LRRK1: variants seen among roughly 807,000 people sequenced by gnomAD.
The protein encoded by LRRK1 is leucine-rich repeat serine/threonine-protein kinase 1.
LRRK1 carries 113 observed loss-of-function variants against 209.1 expected under a neutral mutation model. The ratio of observed to expected loss-of-function variants is 0.54; its 90% CI spans 0.46 to 0.63. The LOEUF (loss-of-function observed/expected upper bound fraction) is 0.63, where lower values mean the gene tolerates loss of function less well. LRRK1 is among the 30% of genes least tolerant of loss of function. The pLI, the probability that LRRK1 is intolerant of heterozygous loss-of-function variation, is 0.00. For missense variants in LRRK1, 2,284 were observed against 2,632.2 expected (o/e 0.87, Z 2.89); for synonymous variants, 1,144 against 1,099.7 (o/e 1.04, Z -0.80).
intron 6 of LRRK1, among the ~76,000 whole-genome samples, chr15:100,992,095 G>C (rs1469693743): frequency 6.6e-6 from 1 of 151,890 alleles, no homozygotes; most frequent in African/African-American, 2.4e-5. Context: ...TACAGTTTCT[G>C]CATCTGTGTT....
chr15:100,940,957 A>G (rs578201283), intron 2 of LRRK1, among the ~76,000 whole-genome samples: 1 of 152,298 alleles, frequency 6.6e-6, no homozygotes, highest in South Asian at 2.1e-4. Context: ...TTGCAGAGAC[A>G]TTGTCACTGT....
At position 101,069,277 on chromosome 15, in the gene LRRK1, G is replaced by A. The variant is rs547107598; in HGVS notation, c.*429G>A. On this transcript the variant is annotated 3_prime_UTR_variant, in exon 34 of 34. Coordinates refer to ENST00000388948, the MANE Select transcript of LRRK1 (RefSeq NM_024652.6). ...CTGGGAAGCACTTGAGGTAGGGCAG[G>A]AGGGGGGCTGTGACCCCTGCCCTTT... 6.5e-6 allele frequency: 1 copy of A among 154,538 alleles called. No individual in the cohort carries two copies. The highest frequency in any genetic ancestry group is 2.0e-4 in the South Asian group (1 of 4,882). The allele number at this position is 154,538 out of a possible 1,614,324, so 9.6% of individuals were successfully genotyped here. A position where few individuals can be genotyped will look rare whatever the true frequency, so the allele number is the denominator to read the frequency against.
intron 1 of LRRK1, among the ~76,000 whole-genome samples, chr15:100,921,124 C>A (rs533755715): frequency 9.8e-5 from 15 of 152,290 alleles, no homozygotes; most frequent in African/African-American, 3.1e-4. Flanking sequence ...CTTGTGGTCT[C>A]CACTGGAGCT....
At position 101,070,196 on chromosome 15, in the gene LRRK1, G is replaced by C. The variant is rs2036742113; in HGVS notation, c.*1348G>C. 6.6e-6 allele frequency: 1 copy of C among 152,132 alleles called. No individual in the cohort carries two copies. Among genetic ancestry groups the C allele is most frequent in the South Asian group, 2.1e-4 (1 of 4,822 alleles). The allele number at this position is 152,132 out of a possible 1,614,324, so 9.4% of individuals were successfully genotyped here. A position where few individuals can be genotyped will look rare whatever the true frequency, so the allele number is the denominator to read the frequency against. ...ACCCACTCGCTGTCTGGGGATAATG[G>C]GCAGCCCCTCCTTGCCCACTGTGCC... On this transcript the variant is annotated 3_prime_UTR_variant, in exon 34 of 34. Coordinates refer to ENST00000388948, the MANE Select transcript of LRRK1 (RefSeq NM_024652.6).
At chr15:101,035,563 T>C (rs2034465035) in intron 20 of LRRK1, among the ~76,000 whole-genome samples, 1 of 152,168 alleles carries the variant, frequency 6.6e-6, no homozygotes, top group African/African-American at 2.4e-5. Flanking sequence ...GAGTTTCTTA[T>C]TGGTAGCATA....
intron 2 of LRRK1, among the ~76,000 whole-genome samples, chr15:100,954,616 T>C (rs1437299699): frequency 6.6e-6 from 1 of 152,204 alleles, no homozygotes; most frequent in East Asian, 1.9e-4. Flanking sequence ...TCCTAGGAGT[T>C]TTACTGTTTC....
intron 3 of LRRK1, among the ~76,000 whole-genome samples, chr15:100,977,180 G>A (rs541631422): frequency 2.9e-3 from 132 of 45,760 alleles, no homozygotes; most frequent in African/African-American, 0.011. Context: ...ACACAAACTG[G>A]CACAGAGAAA....
chr15:101,017,570 G>A, intron 12 of LRRK1, among the ~76,000 whole-genome samples: 1 of 152,108 alleles, frequency 6.6e-6, no homozygotes. Flanking sequence ...CGGCAGCATT[G>A]GATTCTCATA....
In LRRK1 at chr15:100,973,896, C is replaced by G. The variant is rs2031124641; in HGVS notation, c.190C>G (p.Arg64Gly). The G allele has an allele frequency of 5.5e-6, 7 of 1,270,560 alleles. No homozygotes were observed. Among genetic ancestry groups the G allele is most frequent in the Non-Finnish European group, 7.0e-6 (7 of 1,002,798 alleles). 78.7% of individuals were successfully genotyped at this position (1,270,560 alleles called of 1,614,324 possible). A position where few individuals can be genotyped will look rare whatever the true frequency, so the allele number is the denominator to read the frequency against. Residue 64 changes from arginine (R) to glycine (G), a missense_variant, in exon 3 of 34, where the codon CGG becomes GGG. Arg to Gly is a moderately radical substitution (Grantham distance 125). This residue lies in a region of LRRK1 where 174 missense variants were observed against 133.5 expected (regional missense o/e 1.30). Coordinates refer to ENST00000388948, the MANE Select transcript of LRRK1 (RefSeq NM_024652.6). Reference protein sequence around the residue: ...RTEGIRAAYRRGDRGGARDLL... With the variant: ...RTEGIRAAYRGGDRGGARDLL... ...GGAAGGCATCCGCGCCGCGTACAGG[C>G]GGGGAGACCGCGGCGGCGCCCGGGA...
chr15:100,945,658 A>G (rs1475915253), intron 2 of LRRK1, among the ~76,000 whole-genome samples: 1 of 151,396 alleles, frequency 6.6e-6, no homozygotes, highest in Admixed American at 6.6e-5. Context: ...CACACTGGCT[A>G]ATTTTTGTAT....
intron 20 of LRRK1, among the ~76,000 whole-genome samples, chr15:101,030,675 C>T (rs1399120914): frequency 1.3e-5 from 2 of 152,174 alleles, no homozygotes; most frequent in Non-Finnish European, 2.9e-5. Flanking sequence ...AATGACATGG[C>T]CCTGCCATCT....
intron 2 of LRRK1, among the ~76,000 whole-genome samples, chr15:100,944,957 A>G (rs2042507966): frequency 6.6e-6 from 1 of 152,196 alleles, no homozygotes; most frequent in Admixed American, 6.5e-5. Context: ...AATGTAGCTG[A>G]TCGCAGATGC....
intron 12 of LRRK1, 88 bp from the exon 13 acceptor site, chr15:101,020,965 T>A: frequency 6.8e-7 from 1 of 1,470,326 alleles, no homozygotes; most frequent in Non-Finnish European, 9.4e-7. Context: ...CTCTGGAGGT[T>A]GCATCAGTTT....
chr15:101,067,459 G>A (rs2036599509), intron 33 of LRRK1: 1 of 299,310 alleles, frequency 3.3e-6, no homozygotes, highest in Non-Finnish European at 6.9e-6. Context: ...GTGTGTGTGT[G>A]TGTGTACTTT....
chr15:101,058,983 C>A (rs1053553387), intron 29 of LRRK1, among the ~76,000 whole-genome samples: 12 of 152,110 alleles, frequency 7.9e-5, no homozygotes, highest in African/African-American at 2.7e-4. Flanking sequence ...ATAAGATAAA[C>A]GGAACAGACT....
chr15:101,039,583 T>A (rs1030026318), intron 20 of LRRK1, among the ~76,000 whole-genome samples: 5 of 152,238 alleles, frequency 3.3e-5, no homozygotes, highest in African/African-American at 1.2e-4. Context: ...TTTTGCTCTG[T>A]TTGCCTGATT....
At chr15:100,996,116 G>A (rs910494527) in intron 6 of LRRK1, among the ~76,000 whole-genome samples, 4 of 152,192 alleles carry the variant, frequency 2.6e-5, no homozygotes, top group Non-Finnish European at 5.9e-5. Flanking sequence ...CTGGGGGCTG[G>A]TGGCCTTTCC....
intron 2 of LRRK1, among the ~76,000 whole-genome samples, chr15:100,962,818 T>TACATATATATATATATATATAC (rs1596204775): frequency 6.0e-5 from 2 of 33,340 alleles, no homozygotes; most frequent in Middle Eastern, 0.017. Context: ...TATATATATA[T>TACATATATATATATATATATAC]ATATATTTTT....
chr15:101,073,368 C>A lies in LRRK1; in HGVS notation c.*4520C>A. ...GAGGTGTCAGACCACGCAGGGACGC[C>A]TGCCTTGGTCCTTCACCCTTAGCGG... On this transcript the variant is annotated 3_prime_UTR_variant, in exon 34 of 34. Transcript: ENST00000388948. 1 of 152,246 alleles carries A rather than the reference C, an allele frequency of 6.6e-6. No individual in the cohort carries two copies. The highest frequency in any genetic ancestry group is 2.1e-4 in the South Asian group (1 of 4,836). The allele number at this position is 152,246 out of a possible 1,614,324, so 9.4% of individuals were successfully genotyped here. A position where few individuals can be genotyped will look rare whatever the true frequency, so the allele number is the denominator to read the frequency against.
Sources: gnomAD v4.1 joint callset for allele counts (sites outside exome capture counted in the v4.1 genomes callset) on GRCh38, gnomAD v4.1.1 for gene constraint, gnomAD v4.1.1 regional missense constraint, MANE v1.5 for transcripts, NCBI Gene and HGNC (gene_info 2026-07-23, HGNC 2026-07-21) for gene names.